The following L3MBTL4 variants were observed in gnomAD, a reference collection of about 807,000 sequenced individuals.
L3MBTL4 encodes lethal(3)malignant brain tumor-like protein 4.
L3MBTL4 carries 70 observed loss-of-function variants against 84.5 expected under a neutral mutation model. The ratio of observed to expected loss-of-function variants is 0.83; its 90% CI spans 0.68 to 1.01. The LOEUF (loss-of-function observed/expected upper bound fraction) is 1.01. Ranked by LOEUF, L3MBTL4 falls within the 50% of genes least tolerant of loss-of-function variation. The probability of loss-of-function intolerance (pLI) is 0.00; values close to 1 mark genes in which losing one functional copy is unlikely to be tolerated. For missense variants in L3MBTL4, 715 were observed against 754.8 expected, an observed-to-expected ratio of 0.95 and a Z score of 0.62; for synonymous variants, 274 against 259.8, an observed-to-expected ratio of 1.05 and a Z score of -0.52.
chr18:6,274,446 C>T (rs559172616), intron 4 of L3MBTL4, among the ~76,000 whole-genome samples: 2 of 152,316 alleles, frequency 1.3e-5, no homozygotes, highest in East Asian at 3.9e-4. Flanking sequence ...CATGAGTCTC[C>T]ATCCTCCCCA....
chr18:6,409,157 G>C (rs974663521), intron 1 of L3MBTL4, among the ~76,000 whole-genome samples: 3 of 152,172 alleles, frequency 2.0e-5, no homozygotes, highest in Non-Finnish European at 4.4e-5. Flanking sequence ...AACCAGATTA[G>C]AAAATCAAAG....
chr18:6,116,858 G>A (rs1352690329), intron 14 of L3MBTL4, among the ~76,000 whole-genome samples: 4 of 152,138 alleles, frequency 2.6e-5, no homozygotes, highest in Non-Finnish European at 4.4e-5. Context: ...CCTTACAAAA[G>A]CCCCATGTGC....
intron 1 of L3MBTL4, among the ~76,000 whole-genome samples, chr18:6,338,068 T>C (rs1051904904): frequency 7.2e-5 from 11 of 152,024 alleles, no homozygotes; most frequent in Admixed American, 4.6e-4. Context: ...ACAATGAATA[T>C]ATTATCAAAA....
At chr18:6,326,951 G>C (rs2051754250) in intron 1 of L3MBTL4, among the ~76,000 whole-genome samples, 1 of 152,112 alleles carries the variant, frequency 6.6e-6, no homozygotes, top group Non-Finnish European at 1.5e-5. Flanking sequence ...TGATCTTTCA[G>C]TTATGCACAG....
chr18:6,187,035 C>A (rs1222037176), intron 12 of L3MBTL4, among the ~76,000 whole-genome samples: 1 of 152,170 alleles, frequency 6.6e-6, no homozygotes, highest in Non-Finnish European at 1.5e-5. Flanking sequence ...GGACGATGCC[C>A]AAGGTCTAGG....
chr18:6,321,648 T>C (rs2051408296), intron 1 of L3MBTL4, among the ~76,000 whole-genome samples: 1 of 152,148 alleles, frequency 6.6e-6, no homozygotes, highest in African/African-American at 2.4e-5. Context: ...GGAACCAACC[T>C]AAGTACCATC....
intron 10 of L3MBTL4, among the ~76,000 whole-genome samples, chr18:6,236,494 CA>C (rs2047220868): frequency 2.6e-5 from 4 of 152,162 alleles, no homozygotes; most frequent in Admixed American, 2.6e-4. Flanking sequence ...TGAGCCTATT[CA>C]TGAAGTGTAG....
intron 9 of L3MBTL4, among the ~76,000 whole-genome samples, chr18:6,238,330 G>A (rs973288393): frequency 2.6e-5 from 4 of 152,154 alleles, no homozygotes; most frequent in East Asian, 3.9e-4. Flanking sequence ...TCAGGAGATC[G>A]AGACCATCCT....
chr18:6,158,089 T>C (rs983140803), intron 13 of L3MBTL4, among the ~76,000 whole-genome samples: 1 of 152,192 alleles, frequency 6.6e-6, no homozygotes, highest in Non-Finnish European at 1.5e-5. Flanking sequence ...ATGTTGGTTT[T>C]GCATTATGTG....
intron 14 of L3MBTL4, among the ~76,000 whole-genome samples, chr18:6,136,775 C>T (rs2060040815): frequency 6.6e-6 from 1 of 152,222 alleles, no homozygotes; most frequent in Admixed American, 6.5e-5. Flanking sequence ...ACTTTCAATA[C>T]ATCTCTGCTT....
chr18:5,956,117 G>A lies in L3MBTL4; in HGVS notation c.*103C>T, dbSNP rs3737351. 0.38 allele frequency: 358,192 copies of A among 951,334 alleles called. 68,670 individuals carry two copies. Among genetic ancestry groups the A allele is most frequent in the East Asian group, 0.47 (19,508 of 41,280 alleles). 58.9% of individuals were successfully genotyped at this position (951,334 alleles called of 1,614,324 possible). ...AGACACTTTAAAAAGTCCAGATTCA[G>A]TGTGGATACGGCCATGGGGACATTC... On this transcript the variant is annotated 3_prime_UTR_variant, in exon 19 of 19. Coordinates refer to ENST00000317931, the MANE Select transcript of L3MBTL4 (RefSeq NM_001330559.2).
intron 16 of L3MBTL4, among the ~76,000 whole-genome samples, chr18:6,038,403 G>T (rs530215230): frequency 9.9e-5 from 15 of 151,906 alleles, no homozygotes; most frequent in Admixed American, 9.2e-4. Flanking sequence ...ATAGGCGTCC[G>T]CCACCGCGAC....
intron 16 of L3MBTL4, among the ~76,000 whole-genome samples, chr18:6,033,273 T>C (rs1252895529): frequency 6.6e-6 from 1 of 152,204 alleles, no homozygotes; most frequent in Non-Finnish European, 1.5e-5. Context: ...TTTCTTCTGG[T>C]ATTAGCATAG....
intron 16 of L3MBTL4, among the ~76,000 whole-genome samples, chr18:5,984,575 G>C (rs548677347): frequency 1.7e-4 from 26 of 152,010 alleles, no homozygotes; most frequent in African/African-American, 6.3e-4. Context: ...TATTTTTTTG[G>C]GGGGGAAGCT....
chr18:6,272,272 G>C (rs1313388532), intron 4 of L3MBTL4, among the ~76,000 whole-genome samples: 1 of 152,222 alleles, frequency 6.6e-6, no homozygotes, highest in Admixed American at 6.5e-5. Flanking sequence ...AAAAGCAGAG[G>C]AGTTTTAGGC....
chr18:6,141,015 A>G (rs997651499), intron 13 of L3MBTL4, among the ~76,000 whole-genome samples: 2 of 150,924 alleles, frequency 1.3e-5, no homozygotes, highest in Non-Finnish European at 2.9e-5. Flanking sequence ...TTTCTAGACT[A>G]TGAGTGCCTC....
chr18:6,005,996 A>G (rs2054462920), intron 16 of L3MBTL4, among the ~76,000 whole-genome samples: 1 of 133,348 alleles, frequency 7.5e-6, no homozygotes, highest in Admixed American at 7.7e-5. Flanking sequence ...TATATTGTGT[A>G]TATTTTACCA....
chr18:5,972,615 G>A (rs1282842531), intron 16 of L3MBTL4, among the ~76,000 whole-genome samples: 3 of 152,038 alleles, frequency 2.0e-5, no homozygotes, highest in Non-Finnish European at 2.9e-5. Context: ...AGTGTTTCGC[G>A]GGGGCTGTTT....
intron 11 of L3MBTL4, among the ~76,000 whole-genome samples, chr18:6,214,760 G>T (rs994967738): frequency 6.6e-6 from 1 of 152,158 alleles, no homozygotes; most frequent in African/African-American, 2.4e-5. Context: ...GTTTAGTATT[G>T]TACACGCCTA....
Sources: gnomAD v4.1 joint callset for allele counts (sites outside exome capture counted in the v4.1 genomes callset) on GRCh38, gnomAD v4.1.1 for gene constraint, MANE v1.5 for transcripts, NCBI Gene and HGNC (gene_info 2026-07-23, HGNC 2026-07-21) for gene names.